PRKG1: variants seen among roughly 807,000 people sequenced by gnomAD.
The protein encoded by PRKG1 is protein kinase cGMP-dependent 1.
PRKG1 carries 35 observed loss-of-function variants against 88.1 expected under a neutral mutation model. That is an observed-to-expected ratio of 0.40 (90% CI 0.30 to 0.53). The LOEUF is 0.53. PRKG1 is among the 20% of genes least tolerant of loss of function. PRKG1 has a pLI of 0.59. For missense variants in PRKG1, 540 were observed against 839.8 expected, an observed-to-expected ratio of 0.64 and a Z score of 4.41; for synonymous variants, 303 against 292.5, an observed-to-expected ratio of 1.04 and a Z score of -0.37.
intron 4 of PRKG1, among the ~76,000 whole-genome samples, chr10:51,808,691 T>G (rs1191748059): frequency 1.3e-5 from 2 of 152,206 alleles, no homozygotes; most frequent in Non-Finnish European, 2.9e-5. Flanking sequence ...TAAAGCAGTC[T>G]GTGAAGAGGG....
At chr10:51,131,600 G>A (rs1035699757) in intron 1 of PRKG1, among the ~76,000 whole-genome samples, 4 of 152,012 alleles carry the variant, frequency 2.6e-5, no homozygotes, top group African/African-American at 4.8e-5. Flanking sequence ...ACATACATAC[G>A]TGCATACATA....
rs1838493099 is a variant in PRKG1 at position 52,166,925 on chromosome 10, A to G, written c.1076+4962A>G. 2.0e-5 allele frequency among the ~76,000 whole-genome samples: 3 copies of G among 149,324 alleles called. No homozygotes were observed. In the South Asian group the frequency reaches 6.3e-4, roughly 31 times the overall value. On this transcript the variant is annotated intron_variant, in intron 9 of 17. Coordinates refer to ENST00000373980, the MANE Select transcript of PRKG1 (RefSeq NM_006258.4). ...CACACACACACACACACATATATAT[A>G]AGCCAAGATAGAGAAAGAAAATGAA...
At chr10:51,381,373 A>G (rs1035173078) in intron 2 of PRKG1, among the ~76,000 whole-genome samples, 1 of 151,708 alleles carries the variant, frequency 6.6e-6, no homozygotes, top group African/African-American at 2.4e-5. Context: ...TGAATGAATG[A>G]AGAAATGAAA....
chr10:51,937,349 T>C (rs1000719800), intron 5 of PRKG1, among the ~76,000 whole-genome samples: 4 of 147,530 alleles, frequency 2.7e-5, no homozygotes, highest in African/African-American at 5.4e-5. Context: ...TGAATCTGAC[T>C]CTCTCTCCTG....
At chr10:51,261,320 A>G (rs1241903023) in intron 2 of PRKG1, among the ~76,000 whole-genome samples, 1 of 152,242 alleles carries the variant, frequency 6.6e-6, no homozygotes, top group Non-Finnish European at 1.5e-5. Flanking sequence ...GCCTAAAATC[A>G]AATATCTGTA....
intron 3 of PRKG1, among the ~76,000 whole-genome samples, chr10:51,657,671 A>G (rs1840195620): frequency 2.0e-5 from 3 of 152,128 alleles, no homozygotes; most frequent in Admixed American, 2.0e-4. Flanking sequence ...CACTCAGCAT[A>G]CCGTTAAGCA....
chr10:52,273,912 A>G (rs537931416), intron 12 of PRKG1, among the ~76,000 whole-genome samples: 4 of 152,218 alleles, frequency 2.6e-5, no homozygotes, highest in African/African-American at 7.2e-5. Context: ...AGTTTGTGGC[A>G]CAAAGTTAAT....
At chr10:51,014,144 A>G (rs142422800) in intron 1 of PRKG1, among the ~76,000 whole-genome samples, 1,732 of 152,310 alleles carry the variant, frequency 0.011, 14 homozygotes, top group Non-Finnish European at 0.02. Flanking sequence ...GGATTTCTCT[A>G]TTGCTGTATC....
At chr10:51,696,129 T>C (rs1841285851) in intron 3 of PRKG1, 1 of 152,216 alleles carries the variant, frequency 6.6e-6, no homozygotes, top group Non-Finnish European at 1.5e-5. Flanking sequence ...AAATGAGCAG[T>C]AAGTCAAGTG....
chr10:51,026,781 A>C (rs1239226305), intron 1 of PRKG1, among the ~76,000 whole-genome samples: 1 of 152,172 alleles, frequency 6.6e-6, no homozygotes, highest in East Asian at 1.9e-4. Flanking sequence ...GTGGAGGAAA[A>C]GGCAGAGAAC....
intron 2 of PRKG1, among the ~76,000 whole-genome samples, chr10:51,239,099 A>G (rs540030858): frequency 6.6e-6 from 1 of 152,264 alleles, no homozygotes; most frequent in Non-Finnish European, 1.5e-5. Flanking sequence ...TAATATTACA[A>G]GATTGGAGTT....
At chr10:52,216,607 T>G (rs1407113512) in intron 9 of PRKG1, among the ~76,000 whole-genome samples, 1 of 152,226 alleles carries the variant, frequency 6.6e-6, no homozygotes, top group African/African-American at 2.4e-5. Context: ...CAGCCAGGTC[T>G]GCAGAGCATT....
At chr10:51,443,613 CCTCA>C (rs1417092804) in intron 2 of PRKG1, among the ~76,000 whole-genome samples, 2 of 151,914 alleles carry the variant, frequency 1.3e-5, no homozygotes, top group African/African-American at 4.8e-5. Context: ...TCCCTTCAGC[CCTCA>C]CTCCTGATCC....
intron 4 of PRKG1, among the ~76,000 whole-genome samples, chr10:51,836,481 C>A (rs11599504): frequency 0.4 from 60,769 of 151,998 alleles, 13,992 homozygotes; most frequent in Middle Eastern, 0.53. Context: ...TCCAAGAAAT[C>A]TCTACCCAAA....
chr10:51,232,537 C>A (rs946112180), intron 2 of PRKG1, among the ~76,000 whole-genome samples: 16 of 129,388 alleles, frequency 1.2e-4, no homozygotes, highest in African/African-American at 5.4e-4. Flanking sequence ...TTTTACACCC[C>A]AATGATTATT....
chr10:51,624,036 A>T (rs1404104831), intron 3 of PRKG1, among the ~76,000 whole-genome samples: 1 of 152,132 alleles, frequency 6.6e-6, no homozygotes, highest in East Asian at 1.9e-4. Flanking sequence ...ATGTCCATTA[A>T]CCACTCATAT....
chr10:51,034,669 TATATATATATATATATATATATA>T lies in PRKG1; in HGVS notation c.266+43026_266+43048del, dbSNP rs1308529652. Among the ~76,000 whole-genome samples the T allele has an allele frequency of 5.8e-4, 17 of 29,228 alleles. 1 individual carries two copies. The highest frequency in any genetic ancestry group is 4.0e-3 in the Admixed American group (8 of 2,024). The allele number at this position is 29,228 out of a possible 152,430, so 19.2% of individuals were successfully genotyped here. A position where few individuals can be genotyped will look rare whatever the true frequency, so the allele number is the denominator to read the frequency against. On this transcript the variant is annotated intron_variant, in intron 1 of 17. Coordinates refer to the PRKG1 transcript ENST00000401604. ...GCAAAATTATATATAATATGTTATTTATATATATATATATATATATATATATATATATATATATGCCTTAAAAA... is the reference window on the plus strand; with the variant it reads ...GCAAAATTATATATAATATGTTATTTTATATATATATATATGCCTTAAAAA...
intron 2 of PRKG1, among the ~76,000 whole-genome samples, chr10:51,428,494 C>G (rs1337155568): frequency 6.6e-6 from 1 of 152,126 alleles, no homozygotes; most frequent in Non-Finnish European, 1.5e-5. Context: ...ATTTCAAAAA[C>G]CCTCCAAATA....
intron 9 of PRKG1, among the ~76,000 whole-genome samples, chr10:52,166,819 G>GTATATATACGTA (rs1838470847): frequency 1.8e-5 from 1 of 55,314 alleles, no homozygotes; most frequent in Non-Finnish European, 4.1e-5. Context: ...GTATATATAT[G>GTATATATACGTA]TATATATATG....
Sources: allele counts gnomAD v4.1 joint callset (sites outside exome capture counted in the v4.1 genomes callset), GRCh38; gene constraint gnomAD v4.1.1; transcripts MANE v1.5; gene names NCBI Gene and HGNC (gene_info 2026-07-23, HGNC 2026-07-21).